PAPPA: variants seen among roughly 807,000 people sequenced by gnomAD.
PAPPA encodes the protein pappalysin 1.
Under a neutral mutation model 164.0 loss-of-function variants are expected in PAPPA, and 60 were observed. The observed-to-expected ratio is 0.37, with a 90% confidence interval of 0.30 to 0.45. The LOEUF is 0.45. PAPPA is among the 20% of genes least tolerant of loss of function. PAPPA has a pLI of 1.00. For missense variants in PAPPA, 1,782 were observed against 2,087.3 expected, an observed-to-expected ratio of 0.85 and a Z score of 2.85; for synonymous variants, 875 against 814.1, an observed-to-expected ratio of 1.07 and a Z score of -1.27.
In PAPPA at chr9:116,220,143, G is replaced by C; in HGVS notation, c.2111+14G>C. 5 of 1,592,620 alleles carry C rather than the reference G, an allele frequency of 3.1e-6. No homozygotes were observed. The highest frequency in any genetic ancestry group is 4.3e-6 in the Non-Finnish European group (5 of 1,164,356). On this transcript the variant is annotated intron_variant, in intron 5 of 21. Coordinates refer to ENST00000328252, the MANE Select transcript of PAPPA (RefSeq NM_002581.5). ...TTTCTTTGAAAGGTGAGTGTGCCCT[G>C]TGTAGTGTTGATCCCTCTCTCTCTC...
intron 21 of PAPPA, among the ~76,000 whole-genome samples, chr9:116,384,055 G>T (rs922327310): frequency 1.3e-5 from 2 of 151,978 alleles, no homozygotes; most frequent in Non-Finnish European, 2.9e-5. Flanking sequence ...TGTCGTCTGT[G>T]TATATATCAC....
chr9:116,275,855 C>A (rs1209193702), intron 9 of PAPPA, among the ~76,000 whole-genome samples: 1 of 152,086 alleles, frequency 6.6e-6, no homozygotes, highest in East Asian at 1.9e-4. Context: ...GCCCACACAT[C>A]CGGAAGTATT....
At chr9:116,282,098 T>C (rs568089866) in intron 9 of PAPPA, among the ~76,000 whole-genome samples, 8 of 152,348 alleles carry the variant, frequency 5.3e-5, no homozygotes, top group African/African-American at 1.7e-4. Context: ...TCCCTCAGTA[T>C]CCTTGGGCGA....
intron 9 of PAPPA, among the ~76,000 whole-genome samples, chr9:116,277,922 C>A (rs1845221142): frequency 6.6e-6 from 1 of 152,180 alleles, no homozygotes; most frequent in Admixed American, 6.5e-5. Flanking sequence ...CCTGCCTTGG[C>A]CTCCCAAAGT....
chr9:116,315,117 G>A (rs936189407), intron 10 of PAPPA, among the ~76,000 whole-genome samples: 1 of 152,082 alleles, frequency 6.6e-6, no homozygotes, highest in African/African-American at 2.4e-5. Flanking sequence ...TTTATAAATC[G>A]GTGTCTACAA....
At chr9:116,343,835 A>G (rs1312065389) in intron 13 of PAPPA, among the ~76,000 whole-genome samples, 3 of 151,912 alleles carry the variant, frequency 2.0e-5, no homozygotes, top group African/African-American at 7.3e-5. Context: ...ATCTCAGCTC[A>G]CTGCAACCTC....
rs1351990903 is a variant in PAPPA at position 116,257,634 on chromosome 9, G to A, written c.2733-8223G>A. Among the ~76,000 whole-genome samples, 7 of 152,022 alleles carry A rather than the reference G, an allele frequency of 4.6e-5. 1 individual carries two copies. Among genetic ancestry groups the A allele is most frequent in the East Asian group, 2.0e-4 (1 of 5,102 alleles). On this transcript the variant is annotated intron_variant, in intron 7 of 21. Transcript: ENST00000328252. ...GGAGAATGGCGTGAACCCCAGACGC[G>A]GAGCTTGCAGTGAGCCGAGATCGCG...
chr9:116,396,403 G>A (rs976673680), intron 21 of PAPPA, 106 bp from the exon 22 acceptor site: 4 of 737,012 alleles, frequency 5.4e-6, no homozygotes, highest in Non-Finnish European at 9.9e-6. Flanking sequence ...ACTTGAACTT[G>A]AACCTTCTGC....
At chr9:116,163,943 T>C (rs779254928) in intron 1 of PAPPA, among the ~76,000 whole-genome samples, 12 of 152,208 alleles carry the variant, frequency 7.9e-5, no homozygotes, top group Non-Finnish European at 1.5e-4. Context: ...TACTTCCTGA[T>C]AGCTGGAATC....
intron 7 of PAPPA, among the ~76,000 whole-genome samples, chr9:116,258,044 A>G (rs1425142232): frequency 1.3e-5 from 2 of 152,154 alleles, no homozygotes; most frequent in South Asian, 4.2e-4. Context: ...CATTTTTATA[A>G]TGAAAGCTTT....
Position 116,292,235 on chromosome 9 carries a change from A to C in PAPPA, c.2954-10522A>C, listed in dbSNP as rs376251929. Among the ~76,000 whole-genome samples, 3 of 152,200 alleles carry C rather than the reference A, an allele frequency of 2.0e-5. No individual in the cohort carries two copies. The East Asian group carries it at 5.8e-4, about 29-fold the overall frequency. On this transcript the variant is annotated intron_variant, in intron 9 of 21. Transcript: ENST00000328252. ...TTCCACATGAGATGTTAAGCCATTG[A>C]GGAGTTTTAGATGAGGGGCATGGCA...
intron 8 of PAPPA, among the ~76,000 whole-genome samples, 180 bp downstream of exon 8, chr9:116,266,165 A>G (rs1845066039): frequency 6.6e-6 from 1 of 152,250 alleles, no homozygotes; most frequent in African/African-American, 2.4e-5. Context: ...AAGAAAAGCA[A>G]TGACTCTTTT....
chr9:116,156,330 A>ATATG (rs796777806), intron 1 of PAPPA, among the ~76,000 whole-genome samples: 70 of 82,172 alleles, frequency 8.5e-4, no homozygotes, highest in African/African-American at 2.5e-3. Context: ...GTATATATAT[A>ATATG]TGTGTATATA....
chr9:116,292,223 G>A (rs1845445408), intron 9 of PAPPA, among the ~76,000 whole-genome samples: 1 of 152,168 alleles, frequency 6.6e-6, no homozygotes, highest in African/African-American at 2.4e-5. Flanking sequence ...CACATGAGAT[G>A]TTAAGCCATT....
intron 1 of PAPPA, among the ~76,000 whole-genome samples, chr9:116,161,481 T>G (rs1216245865): frequency 6.6e-6 from 1 of 152,170 alleles, no homozygotes; most frequent in African/African-American, 2.4e-5. Flanking sequence ...CCACTTAAAT[T>G]GTGTGATTCT....
intron 1 of PAPPA, among the ~76,000 whole-genome samples, chr9:116,177,522 A>G (rs554529994): frequency 9.5e-4 from 144 of 152,318 alleles, no homozygotes; most frequent in African/African-American, 3.4e-3. Context: ...AAAGGGGATG[A>G]TTAAATAACC....
intron 13 of PAPPA, among the ~76,000 whole-genome samples, chr9:116,339,843 G>A (rs1017194379): frequency 1.3e-5 from 2 of 152,200 alleles, no homozygotes; most frequent in Non-Finnish European, 2.9e-5. Flanking sequence ...CCTCTGTTAT[G>A]TGTGACTGGA....
chr9:116,231,941 A>C (rs1215047977), intron 6 of PAPPA, among the ~76,000 whole-genome samples: 1 of 151,154 alleles, frequency 6.6e-6, no homozygotes, highest in Non-Finnish European at 1.5e-5. Context: ...TTGTATTTTT[A>C]ATAGAGATGA....
At chr9:116,311,063 T>C (rs906119618) in intron 10 of PAPPA, among the ~76,000 whole-genome samples, 6 of 148,952 alleles carry the variant, frequency 4.0e-5, no homozygotes, top group Non-Finnish European at 8.8e-5. Context: ...GGACTTTTTT[T>C]TTTTTTTTTT....
Sources: allele counts gnomAD v4.1 joint callset (sites outside exome capture counted in the v4.1 genomes callset), GRCh38; gene constraint gnomAD v4.1.1; transcripts MANE v1.5; gene names NCBI Gene and HGNC (gene_info 2026-07-23, HGNC 2026-07-21).